Variants in HIPK2 observed in about 807,000 individuals in gnomAD.
HIPK2 encodes homeodomain interacting protein kinase 2.
In HIPK2, 27 loss-of-function variants were observed where a neutral mutation model predicts 113.7. The ratio of observed to expected loss-of-function variants is 0.24; its 90% CI spans 0.17 to 0.33. HIPK2 has a LOEUF of 0.33. Ranked by LOEUF, HIPK2 falls within the 10% of genes least tolerant of loss-of-function variation. The probability of loss-of-function intolerance (pLI) is 1.00; values close to 1 mark genes in which losing one functional copy is unlikely to be tolerated. For synonymous variants in HIPK2, 631 were observed against 642.2 expected (o/e 0.98, Z 0.26); for missense variants, 1,257 against 1,588.0 (o/e 0.79, Z 3.54).
chr7:139,675,354 C>G (rs1424662160), intron 2 of HIPK2, among the ~76,000 whole-genome samples: 1 of 151,760 alleles, frequency 6.6e-6, no homozygotes, highest in Non-Finnish European at 1.5e-5. Flanking sequence ...ACTTTACAAA[C>G]AAGACCAGAG....
chr7:139,573,322 G>T lies in HIPK2; in HGVS notation c.3202C>A (p.Gln1068Lys). Residue 1068 changes from glutamine to lysine, a missense_variant, in exon 15 of 15, where the codon CAG becomes AAG. By Grantham distance (53) the Gln-to-Lys change is moderately conservative. Coordinates refer to ENST00000406875, the MANE Select transcript of HIPK2 (RefSeq NM_022740.5). ...TTGTGCGGGAAGGAGTACGGAGCCT[G>T]GGCCATGGTGGGAGTGATGTAGGCC... ...QQAYITPTMAQAPYSFPHNSP... is the reference protein window; with the variant it reads ...QQAYITPTMAKAPYSFPHNSP... 6.2e-7 allele frequency: 1 copy of T among 1,605,476 alleles called. No homozygotes were observed.
At position 139,704,341 on chromosome 7, in the gene HIPK2, ACC is replaced by A. The variant is rs1286085687; in HGVS notation, c.1103+11589_1103+11590del. On this transcript the variant is annotated intron_variant, in intron 2 of 14. Transcript: ENST00000406875. ...CACCCACACTATACCCAACATACATACCCCACCACACACACTATACCCAACAT... is the reference window on the plus strand; with the variant it reads ...CACCCACACTATACCCAACATACATACCACCACACACACTATACCCAACAT... Among the ~76,000 whole-genome samples, 9 of 108,478 alleles carry A rather than the reference ACC, an allele frequency of 8.3e-5. No homozygotes were observed. In the Admixed American group the frequency reaches 8.7e-4, roughly 10 times the overall value. The allele number at this position is 108,478 out of a possible 152,430, so 71.2% of individuals were successfully genotyped here. A position where few individuals can be genotyped will look rare whatever the true frequency, so the allele number is the denominator to read the frequency against.
chr7:139,642,570 G>C (rs1801063586), intron 2 of HIPK2, among the ~76,000 whole-genome samples: 1 of 152,238 alleles, frequency 6.6e-6, no homozygotes, highest in Non-Finnish European at 1.5e-5. Flanking sequence ...GGGGGATCCA[G>C]AAGGTCCAAG....
At chr7:139,763,482 C>CCA (rs59809984) in intron 1 of HIPK2, among the ~76,000 whole-genome samples, 21 of 135,212 alleles carry the variant, frequency 1.6e-4, no homozygotes, top group Admixed American at 2.2e-4. Context: ...GCCCCCCCCC[C>CCA]CACACGCCCC....
At position 139,714,438 on chromosome 7, in the gene HIPK2, G is replaced by C. The variant is rs1248430614; in HGVS notation, c.1103+1494C>G. Among the ~76,000 whole-genome samples, 2 of 152,200 alleles carry C rather than the reference G, an allele frequency of 1.3e-5. No homozygotes were observed. Among genetic ancestry groups the C allele is most frequent in the Non-Finnish European group, 2.9e-5 (2 of 68,028 alleles). ...TGGTGCCCAGCAGGCTGAGGGAGGG[G>C]CTGGGAGGAGACTTGCAACAGCTCT... On this transcript the variant is annotated intron_variant, in intron 2 of 14. Transcript: ENST00000406875. This position sits in a 1 kb window ranked among gnomAD's most constrained non-coding sequence, Gnocchi z 4.2.
intron 1 of HIPK2, among the ~76,000 whole-genome samples, chr7:139,769,982 G>A: frequency 6.6e-6 from 1 of 152,178 alleles, no homozygotes; most frequent in East Asian, 1.9e-4. Flanking sequence ...AGGGGAAAAG[G>A]CCGAAAGCAC....
chr7:139,611,543 ATT>A (rs954270320), intron 9 of HIPK2, among the ~76,000 whole-genome samples: 1 of 149,038 alleles, frequency 6.7e-6, no homozygotes, highest in Non-Finnish European at 1.5e-5. Flanking sequence ...GTTTCTATTA[ATT>A]TTTTTTTTTC....
At chr7:139,585,998 T>C (rs1412483358) in intron 12 of HIPK2, among the ~76,000 whole-genome samples, 2 of 152,206 alleles carry the variant, frequency 1.3e-5, no homozygotes, top group East Asian at 3.8e-4. Flanking sequence ...AGTGGAGGAC[T>C]GTATAACAAC....
At chr7:139,577,869 G>T (rs1798541620) in intron 13 of HIPK2, among the ~76,000 whole-genome samples, 1 of 150,622 alleles carries the variant, frequency 6.6e-6, no homozygotes, top group African/African-American at 2.4e-5. Flanking sequence ...TTTTTTTTTT[G>T]AGATGGAGTC....
chr7:139,728,123 T>C (rs1451034258), intron 1 of HIPK2, among the ~76,000 whole-genome samples: 1 of 151,820 alleles, frequency 6.6e-6, no homozygotes, highest in Non-Finnish European at 1.5e-5. Context: ...TTTATTTTTT[T>C]ATAGAGACGG....
intron 12 of HIPK2, among the ~76,000 whole-genome samples, chr7:139,585,523 C>A (rs1798805179): frequency 6.6e-6 from 1 of 152,200 alleles, no homozygotes; most frequent in South Asian, 2.1e-4. Flanking sequence ...AGAACACGAA[C>A]CTTGGAGTCA....
intron 13 of HIPK2, among the ~76,000 whole-genome samples, chr7:139,577,964 C>CCT (rs1798544544): frequency 6.6e-6 from 1 of 152,134 alleles, no homozygotes; most frequent in South Asian, 2.1e-4. Flanking sequence ...GATTCTCGTG[C>CCT]CTCAACCTCC....
intron 1 of HIPK2, among the ~76,000 whole-genome samples, chr7:139,732,748 T>C (rs972972618): frequency 1.6e-4 from 24 of 148,738 alleles, no homozygotes; most frequent in African/African-American, 5.9e-4. Flanking sequence ...CATATATATA[T>C]ATAACTATAT....
At chr7:139,598,174 G>A (rs1799288106) in intron 11 of HIPK2, among the ~76,000 whole-genome samples, 1 of 152,188 alleles carries the variant, frequency 6.6e-6, no homozygotes, top group Non-Finnish European at 1.5e-5. Context: ...TGGAGTTCTG[G>A]ATTAGGGATG....
At chr7:139,692,179 T>C (rs1460369321) in intron 2 of HIPK2, among the ~76,000 whole-genome samples, 2 of 152,216 alleles carry the variant, frequency 1.3e-5, no homozygotes, top group African/African-American at 2.4e-5. Flanking sequence ...TTCTGAAGTA[T>C]CTGAAACAGT....
At chr7:139,645,819 A>G (rs1333366804) in intron 2 of HIPK2, among the ~76,000 whole-genome samples, 1 of 152,204 alleles carries the variant, frequency 6.6e-6, no homozygotes, top group Non-Finnish European at 1.5e-5. Context: ...GTCTGCTCAC[A>G]GCACTCCTGG....
intron 2 of HIPK2, among the ~76,000 whole-genome samples, chr7:139,672,651 G>C (rs1585360782): frequency 6.6e-6 from 1 of 152,088 alleles, no homozygotes; most frequent in East Asian, 1.9e-4. Context: ...GTAGTGATGG[G>C]GTTTCGCCAT....
At chr7:139,619,430 A>G (rs1177975613) in intron 7 of HIPK2, among the ~76,000 whole-genome samples, 1 of 152,192 alleles carries the variant, frequency 6.6e-6, no homozygotes. Context: ...TCAGACTTGG[A>G]GATTATTCAT....
intron 2 of HIPK2, among the ~76,000 whole-genome samples, chr7:139,677,243 TTATA>T: frequency 9.0e-6 from 1 of 110,604 alleles, no homozygotes; most frequent in East Asian, 2.6e-4. Context: ...ATTATATATA[TTATA>T]TATATATATG....
Sources: gnomAD v4.1 joint callset for allele counts (sites outside exome capture counted in the v4.1 genomes callset) on GRCh38, gnomAD v4.1.1 for gene constraint, Gnocchi (gnomAD v3.1) non-coding constraint, MANE v1.5 for transcripts, NCBI Gene and HGNC (gene_info 2026-07-23, HGNC 2026-07-21) for gene names.